Variants in ANO2 observed in about 807,000 individuals in gnomAD.
The protein encoded by ANO2 is anoctamin 2.
ANO2 carries 101 observed loss-of-function variants against 124.2 expected under a neutral mutation model. The observed-to-expected ratio is 0.81, with a 90% CI of 0.69 to 0.96. ANO2 has a LOEUF of 0.96. Among genes scored for constraint, ANO2 ranks in the 40% least tolerant of loss-of-function variants. The probability of loss-of-function intolerance (pLI) is 0.00; values close to 1 mark genes in which losing one functional copy is unlikely to be tolerated. For synonymous variants in ANO2, 486 were observed against 482.5 expected, an observed-to-expected ratio of 1.01 and a Z score of -0.09; for missense variants, 1,293 against 1,274.5, an observed-to-expected ratio of 1.01 and a Z score of -0.22.
intron 16 of ANO2, among the ~76,000 whole-genome samples, chr12:5,628,430 A>T (rs1945522963): frequency 6.6e-6 from 1 of 152,232 alleles, no homozygotes; most frequent in African/African-American, 2.4e-5. Context: ...GGGAACAAGG[A>T]CAGCTACATA....
chr12:5,745,117 T>A (rs1053665945), intron 11 of ANO2, among the ~76,000 whole-genome samples: 2 of 152,208 alleles, frequency 1.3e-5, no homozygotes, highest in Non-Finnish European at 2.9e-5. Context: ...GAAATTCCAT[T>A]CATTCGTTAG....
chr12:5,640,680 A>T (rs976158465), intron 15 of ANO2, among the ~76,000 whole-genome samples: 1 of 152,226 alleles, frequency 6.6e-6, no homozygotes, highest in Non-Finnish European at 1.5e-5. Context: ...ATGAGATACC[A>T]TCCCACACCA....
chr12:5,944,796 C>T (rs1291882382), intron 1 of ANO2, among the ~76,000 whole-genome samples: 1 of 152,168 alleles, frequency 6.6e-6, no homozygotes, highest in East Asian at 1.9e-4. Flanking sequence ...CTGAGTTAAA[C>T]CCAGTCCGGC....
intron 1 of ANO2, among the ~76,000 whole-genome samples, chr12:5,924,218 T>G (rs1941970396): frequency 6.6e-6 from 1 of 152,224 alleles, no homozygotes; most frequent in Non-Finnish European, 1.5e-5. Flanking sequence ...GCCCCTTAGG[T>G]GCTCAGCCCT....
At position 5,812,971 on chromosome 12, in the gene ANO2, A is replaced by T. The variant is rs1405378815; in HGVS notation, c.893-5603T>A. 2.3e-5 allele frequency among the ~76,000 whole-genome samples: 3 copies of T among 131,540 alleles called. No individual in the cohort carries two copies. In the East Asian group the frequency reaches 7.2e-4, roughly 31 times the overall value. 86.3% of individuals were successfully genotyped at this position (131,540 alleles called of 152,430 possible). ...AAGGAAAGAAGGAAGAGAGGGAGGG[A>T]GGAAGGAAGGAAGGGTAAGCAAACA... is the stretch of plus-strand genomic sequence containing the variant. On this transcript the variant is annotated intron_variant, in intron 7 of 24. Transcript: ENST00000682330.
rs1024983232 is a variant in ANO2 at position 5,622,985 on chromosome 12, C to T, written c.1817-7688G>A. 6.4e-5 allele frequency among the ~76,000 whole-genome samples: 9 copies of T among 141,562 alleles called. No homozygotes were observed. In the South Asian group the frequency reaches 6.6e-4, roughly 10 times the overall value. The allele number at this position is 141,562 out of a possible 152,430, so 92.9% of individuals were successfully genotyped here. On this transcript the variant is annotated intron_variant, in intron 16 of 24. Transcript: ENST00000682330. ...TCTCAAAAAAAAAAAAAAAAAGAAA[C>T]GAAAAGAAAGGAAGGAAAGAAATGA...
At chr12:5,673,014 C>T (rs11063809) in intron 14 of ANO2, among the ~76,000 whole-genome samples, 1 of 152,194 alleles carries the variant, frequency 6.6e-6, no homozygotes, top group African/African-American at 2.4e-5. Flanking sequence ...TCTATGTCTC[C>T]ATCTGCCCAG....
At chr12:5,808,922 AG>A (rs1433446982) in intron 7 of ANO2, among the ~76,000 whole-genome samples, 2 of 152,108 alleles carry the variant, frequency 1.3e-5, no homozygotes, top group Admixed American at 6.5e-5. Context: ...ACTATTCTCC[AG>A]GCCCCACGTG....
intron 14 of ANO2, 51 bp from the exon 15 acceptor site, chr12:5,647,852 A>G (rs1354962823): frequency 3.6e-6 from 5 of 1,392,160 alleles, no homozygotes; most frequent in Non-Finnish European, 5.0e-6. Flanking sequence ...AATAACAGAT[A>G]TTAATTTGCT....
At chr12:5,768,368 C>G (rs1951962072) in intron 10 of ANO2, among the ~76,000 whole-genome samples, 1 of 152,184 alleles carries the variant, frequency 6.6e-6, no homozygotes, top group South Asian at 2.1e-4. Context: ...CACCCCATTC[C>G]CAGGGAGTGT....
chr12:5,868,253 T>TA (rs1278986158), intron 3 of ANO2, among the ~76,000 whole-genome samples: 1 of 152,084 alleles, frequency 6.6e-6, no homozygotes, highest in Non-Finnish European at 1.5e-5. Flanking sequence ...TCCATTAGCT[T>TA]AGAGTGTTCT....
chr12:5,915,898 A>G (rs1178398286), intron 3 of ANO2, among the ~76,000 whole-genome samples: 1 of 152,226 alleles, frequency 6.6e-6, no homozygotes, highest in African/African-American at 2.4e-5. Context: ...TCAGTGGCAC[A>G]CAACTGGAAG....
intron 3 of ANO2, among the ~76,000 whole-genome samples, chr12:5,854,909 G>C (rs1955052177): frequency 6.7e-6 from 1 of 150,218 alleles, no homozygotes; most frequent in Non-Finnish European, 1.5e-5. Context: ...TGAGAGGAAG[G>C]CACCTCATCT....
chr12:5,654,169 C>T (rs898007325), intron 14 of ANO2, among the ~76,000 whole-genome samples: 2 of 152,120 alleles, frequency 1.3e-5, no homozygotes, highest in African/African-American at 2.4e-5. Flanking sequence ...ACAAATAATC[C>T]AGTCCCTTAC....
chr12:5,840,916 A>G (rs1427414384), intron 4 of ANO2, among the ~76,000 whole-genome samples: 1 of 152,204 alleles, frequency 6.6e-6, no homozygotes. Flanking sequence ...GACGATCATT[A>G]TACCTTTCTA....
chr12:5,621,346 T>C (rs1391524108), intron 16 of ANO2, among the ~76,000 whole-genome samples: 2 of 152,212 alleles, frequency 1.3e-5, no homozygotes, highest in Non-Finnish European at 2.9e-5. Context: ...TTTTGTCCCA[T>C]ATTAAAAATT....
rs759065234 is a variant in ANO2 at position 5,610,857 on chromosome 12, CACAA to C, written c.2087+1795_2087+1798del. On this transcript the variant is annotated intron_variant, in intron 19 of 24. Transcript: ENST00000682330. ...ACACACACACACACACACACACACA[CACAA>C]CCCTAAGGGAAATTATTTCTATAAA... 1.1e-3 allele frequency among the ~76,000 whole-genome samples: 157 copies of C among 140,166 alleles called. 2 individuals are homozygous for C. Among genetic ancestry groups the C allele is most frequent in the South Asian group, 2.5e-3 (11 of 4,436 alleles). The allele number at this position is 140,166 out of a possible 152,430, so 92.0% of individuals were successfully genotyped here. A position where few individuals can be genotyped will look rare whatever the true frequency, so the allele number is the denominator to read the frequency against.
intron 13 of ANO2, among the ~76,000 whole-genome samples, chr12:5,737,609 T>G (rs918691792): frequency 1.3e-5 from 2 of 152,166 alleles, no homozygotes; most frequent in Non-Finnish European, 2.9e-5. Flanking sequence ...TCTTCTTCTC[T>G]TTTTTGGAAA....
chr12:5,671,304 T>C (rs905978301), intron 14 of ANO2, among the ~76,000 whole-genome samples: 20 of 152,256 alleles, frequency 1.3e-4, no homozygotes, highest in South Asian at 4.2e-4. Flanking sequence ...TGCAAAGGTA[T>C]ACATAACACA....
Sources: allele counts gnomAD v4.1 joint callset (sites outside exome capture counted in the v4.1 genomes callset), GRCh38; gene constraint gnomAD v4.1.1; transcripts MANE v1.5; gene names NCBI Gene and HGNC (gene_info 2026-07-23, HGNC 2026-07-21).